Variants in KIF3A observed in about 807,000 individuals in gnomAD.
KIF3A encodes kinesin-like protein KIF3A.
A neutral mutation model predicts 92.6 loss-of-function variants in KIF3A; 27 were observed. The observed-to-expected ratio is 0.29, with a 90% CI of 0.21 to 0.40. The LOEUF is 0.40. KIF3A is among the 10% of genes least tolerant of loss of function. KIF3A has a pLI of 1.00. For synonymous variants in KIF3A, 250 were observed against 275.4 expected, an observed-to-expected ratio of 0.91 and a Z score of 0.92; for missense variants, 581 against 872.6, an observed-to-expected ratio of 0.67 and a Z score of 4.21.
At chr5:132,717,224 C>A (rs999517056) in intron 5 of KIF3A, among the ~76,000 whole-genome samples, 1 of 152,114 alleles carries the variant, frequency 6.6e-6, no homozygotes, top group Non-Finnish European at 1.5e-5. Flanking sequence ...AAAATAATTT[C>A]AATCCCTAGT....
intron 1 of KIF3A, among the ~76,000 whole-genome samples, chr5:132,734,841 C>CT (rs1245569263): frequency 6.6e-6 from 1 of 152,194 alleles, no homozygotes; most frequent in Non-Finnish European, 1.5e-5. Context: ...TGGTTAACAA[C>CT]TTTAACTCAA....
chr5:132,709,678 A>G (rs80200209), intron 9 of KIF3A, among the ~76,000 whole-genome samples: 1 of 152,232 alleles, frequency 6.6e-6, no homozygotes, highest in African/African-American at 2.4e-5. Context: ...AACAAAAAAA[A>G]TTTCTCTAAA....
intron 8 of KIF3A, among the ~76,000 whole-genome samples, chr5:132,715,452 C>A (rs935276829): frequency 6.6e-6 from 1 of 152,122 alleles, no homozygotes; most frequent in East Asian, 1.9e-4. Flanking sequence ...ACATACATTG[C>A]AGAATTTGCT....
intron 9 of KIF3A, among the ~76,000 whole-genome samples, chr5:132,709,747 G>A (rs977643851): frequency 5.3e-5 from 8 of 152,238 alleles, no homozygotes; most frequent in African/African-American, 7.2e-5. Flanking sequence ...CAGGCCATAC[G>A]GCTTCATGTG....
chr5:132,699,809 G>C lies in KIF3A; in HGVS notation c.2007+407C>G, dbSNP rs185139395. ...GATCTCCTGACCTCGTGATCCACCC[G>C]CCTCGGCCTCCCAAAGTGCTGGGAT... is the stretch of plus-strand genomic sequence containing the variant. On this transcript the variant is annotated intron_variant, in intron 17 of 18. Coordinates refer to ENST00000403231, the MANE Select transcript of KIF3A (RefSeq NM_001300791.2). Among the ~76,000 whole-genome samples, 1,224 of 152,058 alleles carry C rather than the reference G, an allele frequency of 8.0e-3. 47 individuals are homozygous for C. In the East Asian group the frequency reaches 0.13, roughly 17 times the overall value.
At chr5:132,690,887 A>G (rs1236591799), downstream of KIF3A, among the ~76,000 whole-genome samples, 1 of 152,202 alleles carries the variant, frequency 6.6e-6, no homozygotes, top group African/African-American at 2.4e-5. Context: ...AAATCGTGCC[A>G]CTGCACTCCA....
intron 1 of KIF3A, among the ~76,000 whole-genome samples, chr5:132,736,065 T>C (rs1754379373): frequency 6.6e-6 from 1 of 152,250 alleles, no homozygotes; most frequent in Non-Finnish European, 1.5e-5. Context: ...GAAGACTTCC[T>C]GACTAGGTCA....
At chr5:132,735,870 C>T (rs1754373385) in intron 1 of KIF3A, among the ~76,000 whole-genome samples, 1 of 152,250 alleles carries the variant, frequency 6.6e-6, no homozygotes, top group Non-Finnish European at 1.5e-5. Flanking sequence ...GCTTATTTCA[C>T]AAGATATTCT....
Position 132,707,208 on chromosome 5 carries a change from A to G in KIF3A, c.1301-749T>C, listed in dbSNP as rs2299008. Among the ~76,000 whole-genome samples, 28 of 151,904 alleles carry G rather than the reference A, an allele frequency of 1.8e-4. No individual in the cohort carries two copies. The East Asian group carries it at 5.4e-3, about 29-fold the overall frequency. ...ACAGTAACAAACTTACATTCCTTCT[A>G]TTAGTAGATTTTTAAGGGTAATTAT... is the stretch of plus-strand genomic sequence containing the variant. On this transcript the variant is annotated intron_variant, in intron 10 of 18. Coordinates refer to ENST00000403231, the MANE Select transcript of KIF3A (RefSeq NM_001300791.2).
chr5:132,711,014 A>C lies in KIF3A; in HGVS notation c.1173T>G (p.Asp391Glu). Residue 391 changes from aspartate (D) to glutamate (E), a missense_variant, in exon 9 of 19, where the codon GAT becomes GAG. Asp to Glu is a conservative substitution (Grantham distance 45). Coordinates refer to ENST00000403231, the MANE Select transcript of KIF3A (RefSeq NM_001300791.2). ...CTCCAACCTCACCCTCTTCATCATC[A>C]TCTTCCTCTGACCCACTGATATCAG... is the stretch of plus-strand genomic sequence containing the variant. Reference protein sequence around the residue: ...SGSDISGSEEDDDEEGEVGED... With the variant: ...SGSDISGSEEEDDEEGEVGED... 1 of 1,611,734 alleles carries C rather than the reference A, an allele frequency of 6.2e-7. No homozygotes were observed. Among genetic ancestry groups the C allele is most frequent in the African/African-American group, 1.3e-5 (1 of 74,874 alleles).
chr5:132,690,075 G>A (rs910544477), downstream of KIF3A, among the ~76,000 whole-genome samples: 7 of 152,126 alleles, frequency 4.6e-5, no homozygotes, highest in East Asian at 1.9e-4. Context: ...AAAATTAGCC[G>A]AGCATGGTGT....
intron 4 of KIF3A, chr5:132,723,268 A>G (rs1224295895): frequency 3.3e-5 from 5 of 152,190 alleles, no homozygotes; most frequent in Admixed American, 3.3e-4. Flanking sequence ...CAAGCTACCA[A>G]TGACTTTCGT....
In KIF3A at chr5:132,726,433, T is replaced by C. The variant is rs1019157125; in HGVS notation, c.346A>G (p.Ile116Val). The C allele has an allele frequency of 3.7e-6, 6 of 1,613,616 alleles. No individual in the cohort carries two copies. The highest frequency in any genetic ancestry group is 4.2e-6 in the Non-Finnish European group (5 of 1,179,680). ...KTFTMEGVRA[I>V]PELRGIIPNS... ...GGAATTATTCCTCTAAGTTCAGGAATAGCTCGAACACCTTCCATGGTAAAA... is the reference window on the plus strand; with the variant it reads ...GGAATTATTCCTCTAAGTTCAGGAACAGCTCGAACACCTTCCATGGTAAAA... Residue 116 changes from isoleucine to valine, a missense_variant, in exon 3 of 19, where the codon ATT (isoleucine) becomes GTT (valine). By Grantham distance (29) the Ile-to-Val change is conservative (BLOSUM62 3). Transcript: ENST00000403231.
intron 5 of KIF3A, among the ~76,000 whole-genome samples, chr5:132,718,169 T>C (rs1010038142): frequency 1.3e-5 from 2 of 152,176 alleles, no homozygotes; most frequent in African/African-American, 2.4e-5. Flanking sequence ...AATAAATATA[T>C]GGTTTAACAA....
intron 1 of KIF3A, among the ~76,000 whole-genome samples, chr5:132,736,202 G>C (rs1215763360): frequency 6.6e-6 from 1 of 152,210 alleles, no homozygotes; most frequent in African/African-American, 2.4e-5. Context: ...GTAGTCAAGA[G>C]GCTGAATTCA....
intron 4 of KIF3A, among the ~76,000 whole-genome samples, chr5:132,723,980 G>T (rs1753914855): frequency 6.6e-6 from 1 of 152,174 alleles, no homozygotes; most frequent in African/African-American, 2.4e-5. Flanking sequence ...CCATCAAAAA[G>T]TGGGTGAAGG....
chr5:132,726,926 T>C (rs1220673339), intron 2 of KIF3A, among the ~76,000 whole-genome samples: 2 of 152,180 alleles, frequency 1.3e-5, no homozygotes, highest in Non-Finnish European at 2.9e-5. Context: ...CTTGGACAAG[T>C]TATCTACCTA....
At chr5:132,720,794 C>G in intron 4 of KIF3A, 80 bp from the exon 5 acceptor site, 1 of 748,212 alleles carries the variant, frequency 1.3e-6, no homozygotes, top group South Asian at 1.8e-5. Context: ...GTGTTGGACA[C>G]TCTACTAGAC....
intron 5 of KIF3A, among the ~76,000 whole-genome samples, chr5:132,720,045 T>C (rs1045226471): frequency 7.9e-5 from 12 of 152,096 alleles, no homozygotes; most frequent in African/African-American, 2.7e-4. Flanking sequence ...GGGCTCCCTA[T>C]TGTCCAGGCT....
Sources: allele counts gnomAD v4.1 joint callset (sites outside exome capture counted in the v4.1 genomes callset), GRCh38; gene constraint gnomAD v4.1.1; transcripts MANE v1.5; gene names NCBI Gene and HGNC (gene_info 2026-07-23, HGNC 2026-07-21).